NHS: variants seen among roughly 807,000 people sequenced by gnomAD.
The protein encoded by NHS is actin remodeling regulator NHS.
In NHS, 5 loss-of-function variants were observed where a neutral mutation model predicts 72.5. The ratio of observed to expected loss-of-function variants is 0.07; its 90% CI spans 0.04 to 0.14. The LOEUF (loss-of-function observed/expected upper bound fraction) is 0.14. Ranked by LOEUF, NHS falls within the 10% of genes least tolerant of loss-of-function variation. NHS has a pLI of 1.00. For synonymous variants in NHS, 464 were observed against 547.7 expected (o/e 0.85, Z 2.13); for missense variants, 1,072 against 1,355.7 (o/e 0.79, Z 3.29).
chrX:17,383,969 T>C (rs1448394075), intron 1 of NHS, among the ~76,000 whole-genome samples: 1 of 112,233 alleles, frequency 8.9e-6, no homozygotes, highest in Non-Finnish European at 1.9e-5. Flanking sequence ...TGTTGTTTAT[T>C]GCCCTTTGGA....
chrX:17,468,847 G>A (rs921530635), intron 1 of NHS, among the ~76,000 whole-genome samples: 2 of 111,268 alleles, frequency 1.8e-5, no homozygotes, highest in Admixed American at 9.5e-5. Context: ...GAACCACCTC[G>A]CCTGGCCTTA....
chrX:17,564,447 C>A (rs1312019059), intron 1 of NHS, among the ~76,000 whole-genome samples: 2 of 112,059 alleles, frequency 1.8e-5, no homozygotes, highest in African/African-American at 6.5e-5. Context: ...TAGATAGAAG[C>A]CTGGTGGGTC....
intron 1 of NHS, among the ~76,000 whole-genome samples, chrX:17,622,298 G>A (rs1022364948): frequency 2.7e-5 from 3 of 112,638 alleles, no homozygotes; most frequent in Non-Finnish European, 5.6e-5. Context: ...GGCTTTAAAA[G>A]CCATTGGCAA....
At chrX:17,698,071 A>G (rs141810942) in intron 3 of NHS, among the ~76,000 whole-genome samples, 1,827 of 111,829 alleles carry the variant, frequency 0.016, 41 homozygotes, top group African/African-American at 0.056. Flanking sequence ...GTTTAGTCAT[A>G]TCAATGAATA....
intron 4 of NHS, 119 bp downstream of exon 4, chrX:17,719,525 T>C: frequency 1.8e-6 from 1 of 563,484 alleles, no homozygotes; most frequent in Non-Finnish European, 2.8e-6. Context: ...GGTTTTTCTT[T>C]AAAATCAATT....
rs868204942 is a variant in NHS, at chrX:17,726,177, T to C, written c.2071T>C (p.Leu691=). 8.3e-6 allele frequency: 10 copies of C among 1,211,944 alleles called. No individual in the cohort carries two copies. In the Middle Eastern group the frequency reaches 1.4e-3, roughly 167 times the overall value. Residue 691 remains leucine (L), a synonymous_variant, in exon 7 of 9, where the codon TTG becomes CTG. Transcript: ENST00000676302. ...VFVTEQYNDH[L]DKVRGHRANS... is the part of the protein sequence containing the mutation. ...CGTGACAGAGCAATACAATGACCAC[T>C]TGGATAAAGTGAGAGGCCATCGGGC...
At chrX:17,409,015 A>G (rs964233509) in intron 1 of NHS, among the ~76,000 whole-genome samples, 1 of 111,489 alleles carries the variant, frequency 9.0e-6, no homozygotes, top group Non-Finnish European at 1.9e-5. Context: ...GTCTCTTCTG[A>G]TAAAGATGCT....
chrX:17,495,920 G>A (rs1304426341), intron 1 of NHS, among the ~76,000 whole-genome samples: 2 of 111,697 alleles, frequency 1.8e-5, no homozygotes, highest in Non-Finnish European at 3.8e-5. Flanking sequence ...AAGCTGGAGG[G>A]ACATAGGGAA....
chrX:17,440,258 TAAAAAAAA>T (rs1036618487), intron 1 of NHS, among the ~76,000 whole-genome samples: 3 of 37,289 alleles, frequency 8.0e-5, no homozygotes, highest in Admixed American at 3.6e-4. Flanking sequence ...GACTCAGTCT[TAAAAAAAA>T]AAAAAAAAAA....
chrX:17,492,965 C>A (rs1158778182), intron 1 of NHS, among the ~76,000 whole-genome samples: 3 of 112,228 alleles, frequency 2.7e-5, no homozygotes, highest in Non-Finnish European at 5.6e-5. Flanking sequence ...TAGGATCAAG[C>A]TACATGGTGA....
intron 3 of NHS, among the ~76,000 whole-genome samples, chrX:17,711,957 G>T (rs1288375825): frequency 1.8e-5 from 2 of 109,104 alleles, no homozygotes; most frequent in Non-Finnish European, 3.8e-5. Context: ...GTATTTTTGT[G>T]CAAGTTTTTT....
intron 1 of NHS, among the ~76,000 whole-genome samples, chrX:17,610,969 C>T (rs1236025515): frequency 2.7e-5 from 3 of 112,200 alleles, no homozygotes; most frequent in African/African-American, 9.7e-5. Context: ...AGCAGATATG[C>T]CCATTTAGAA....
At chrX:17,525,638 C>CTTTTTTTTTTTTTTT (rs1162709869) in intron 1 of NHS, among the ~76,000 whole-genome samples, 12 of 53,049 alleles carry the variant, frequency 2.3e-4, no homozygotes, top group Non-Finnish European at 4.0e-4. Context: ...TCTTTCTTTT[C>CTTTTTTTTTTTTTTT]TTTTTTTTTT....
chrX:17,602,940 G>T (rs1040153871), intron 1 of NHS, among the ~76,000 whole-genome samples: 1 of 107,246 alleles, frequency 9.3e-6, no homozygotes, highest in African/African-American at 3.4e-5. Context: ...TCCTGGGATC[G>T]GGTGATCCTC....
At position 17,506,391 on chromosome X, in the gene NHS, G is replaced by A. The variant is rs754965402; in HGVS notation, c.565+130069G>A. Among the ~76,000 whole-genome samples the A allele has an allele frequency of 1.4e-4, 15 of 110,027 alleles. No homozygotes were observed. In the East Asian group the frequency reaches 3.7e-3, roughly 27 times the overall value. ...TAAAAAATACAAAAATTAGCCAGGT[G>A]TGGTGGTGGGCTCCTGTAATCCCAG... On this transcript the variant is annotated intron_variant, in intron 1 of 8. Transcript: ENST00000676302.
intron 1 of NHS, among the ~76,000 whole-genome samples, chrX:17,581,642 C>G (rs748580352): frequency 8.9e-6 from 1 of 111,846 alleles, no homozygotes; most frequent in South Asian, 3.8e-4. Context: ...ATTCTCCACT[C>G]TGTGCTTTCT....
rs760653672 is a variant in NHS, at chrX:17,519,750, AC to A, written c.565+143431del. Among the ~76,000 whole-genome samples the A allele has an allele frequency of 7.2e-5, 8 of 111,317 alleles. No homozygotes were observed. In the East Asian group the frequency reaches 2.0e-3, roughly 27 times the overall value. On this transcript the variant is annotated intron_variant, in intron 1 of 8. Coordinates refer to ENST00000676302, the MANE Select transcript of NHS (RefSeq NM_001291867.2). The stretch of plus-strand genomic sequence containing the variant: ...TCGTATTTCTTTGTGGTTTAGGATA[AC>A]CCACCGGGACCACCATCCTGAGGGA...
chrX:17,574,042 T>C (rs2065496536), intron 1 of NHS, among the ~76,000 whole-genome samples: 1 of 111,442 alleles, frequency 9.0e-6, no homozygotes, highest in Non-Finnish European at 1.9e-5. Context: ...TGCCCGATCC[T>C]TCCTCTGGAA....
intron 1 of NHS, among the ~76,000 whole-genome samples, chrX:17,436,643 C>T (rs1336430474): frequency 9.2e-6 from 1 of 108,666 alleles, no homozygotes; most frequent in Admixed American, 9.9e-5. Flanking sequence ...GAAATCAAGC[C>T]ACCTCTCCCC....
Sources: gnomAD v4.1 joint callset for allele counts (sites outside exome capture counted in the v4.1 genomes callset) on GRCh38, gnomAD v4.1.1 for gene constraint, MANE v1.5 for transcripts, NCBI Gene and HGNC (gene_info 2026-07-23, HGNC 2026-07-21) for gene names.